The following FSTL4 variants were observed in gnomAD, a reference collection of about 807,000 sequenced individuals.
FSTL4 encodes the protein follistatin-related protein 4.
Under a neutral mutation model 78.2 loss-of-function variants are expected in FSTL4, and 28 were observed. The ratio of observed to expected loss-of-function variants is 0.36; its 90% CI spans 0.27 to 0.49. The LOEUF is 0.49. Ranked by LOEUF, FSTL4 falls within the 20% of genes least tolerant of loss-of-function variation. FSTL4 has a pLI of 0.98. For synonymous variants in FSTL4, 422 were observed against 440.5 expected (o/e 0.96, Z 0.53); for missense variants, 922 against 1,084.9 (o/e 0.85, Z 2.11).
the FSTL4 span, among the ~76,000 whole-genome samples, chr5:133,677,746 T>G: frequency 1.3e-5 from 2 of 152,228 alleles, no homozygotes; most frequent in African/African-American, 2.4e-5. Flanking sequence ...TTGCTTAACA[T>G]TTCTGAGTCT....
At chr5:133,829,488 T>C in the FSTL4 span, among the ~76,000 whole-genome samples, 1 of 152,214 alleles carries the variant, frequency 6.6e-6, no homozygotes, top group Non-Finnish European at 1.5e-5. Flanking sequence ...TGCTCTCCCA[T>C]TCATTTATTC....
chr5:133,314,730 A>G (rs1753863123), intron 5 of FSTL4, among the ~76,000 whole-genome samples: 1 of 152,068 alleles, frequency 6.6e-6, no homozygotes, highest in Non-Finnish European at 1.5e-5. Flanking sequence ...GAGCCTCAGT[A>G]TCCTCATCTG....
At chr5:133,636,612 A>G in the FSTL4 span, among the ~76,000 whole-genome samples, 1 of 152,084 alleles carries the variant, frequency 6.6e-6, no homozygotes, top group African/African-American at 2.4e-5. Flanking sequence ...AGAACCTACC[A>G]CTTAGGGGTT....
the FSTL4 span, among the ~76,000 whole-genome samples, chr5:133,678,600 A>G: frequency 5.9e-5 from 9 of 152,036 alleles, no homozygotes; most frequent in Non-Finnish European, 1.3e-4. Flanking sequence ...TCAAGAGTCC[A>G]GTTTTGGACA....
chr5:133,707,785 G>A, the FSTL4 span, among the ~76,000 whole-genome samples: 2 of 151,984 alleles, frequency 1.3e-5, no homozygotes, highest in African/African-American at 4.8e-5. Flanking sequence ...CTCTCCAGAG[G>A]CTGCAGCCAT....
intron 2 of FSTL4, chr5:133,583,389 G>A (rs1274388394): frequency 1.1e-5 from 3 of 274,868 alleles, no homozygotes; most frequent in African/African-American, 2.7e-5. Context: ...CTGAGGTACC[G>A]GGTTCATCTC....
the FSTL4 span, among the ~76,000 whole-genome samples, chr5:133,667,515 C>A: frequency 2.4e-4 from 37 of 152,144 alleles, no homozygotes; most frequent in Admixed American, 1.9e-3. Flanking sequence ...CCCTGTTTAG[C>A]CTCATCTCCT....
chr5:133,579,563 G>A (rs10491290), intron 2 of FSTL4, among the ~76,000 whole-genome samples: 4,303 of 152,220 alleles, frequency 0.028, 204 homozygotes, highest in African/African-American at 0.098. Flanking sequence ...GGACAGCAAG[G>A]ACAAGTGGCT....
intron 3 of FSTL4, among the ~76,000 whole-genome samples, chr5:133,425,968 G>T (rs1393760622): frequency 6.6e-6 from 1 of 152,170 alleles, no homozygotes; most frequent in African/African-American, 2.4e-5. Context: ...GGAATGACGT[G>T]GGGGGCTCTA....
At chr5:133,223,433 C>A (rs1231268068) in intron 11 of FSTL4, among the ~76,000 whole-genome samples, 1 of 152,166 alleles carries the variant, frequency 6.6e-6, no homozygotes, top group Non-Finnish European at 1.5e-5. Context: ...TGTGCTTAAC[C>A]CATCAATCAC....
At chr5:133,724,887 T>C in the FSTL4 span, among the ~76,000 whole-genome samples, 3 of 152,228 alleles carry the variant, frequency 2.0e-5, no homozygotes, top group Admixed American at 6.5e-5. Context: ...GAGTTGACTT[T>C]TGTGCATGGC....
At chr5:133,600,882 A>T (rs1760851631) in intron 2 of FSTL4, among the ~76,000 whole-genome samples, 1 of 152,222 alleles carries the variant, frequency 6.6e-6, no homozygotes, top group Non-Finnish European at 1.5e-5. Flanking sequence ...AAGGTTTTTC[A>T]CTTATTTAGA....
chr5:133,645,181 C>T, the FSTL4 span, among the ~76,000 whole-genome samples: 1 of 152,184 alleles, frequency 6.6e-6, no homozygotes, highest in African/African-American at 2.4e-5. Flanking sequence ...ATCTGCCATT[C>T]TTTTGCTTCA....
the FSTL4 span, among the ~76,000 whole-genome samples, chr5:133,677,424 C>A: frequency 2.0e-5 from 3 of 152,306 alleles, no homozygotes; most frequent in South Asian, 6.2e-4. Context: ...ACATTAAGGA[C>A]TTCTGAGGTC....
At chr5:133,822,480 A>C in the FSTL4 span, among the ~76,000 whole-genome samples, 1 of 152,156 alleles carries the variant, frequency 6.6e-6, no homozygotes, top group Admixed American at 6.5e-5. Context: ...ATCCAATTAA[A>C]ATCAGGGGTC....
chr5:133,804,686 C>T, the FSTL4 span, among the ~76,000 whole-genome samples: 2 of 152,274 alleles, frequency 1.3e-5, no homozygotes, highest in Middle Eastern at 6.8e-3. Flanking sequence ...CCCTTCCTGA[C>T]TCTCAGAACT....
At chr5:133,369,121 A>G (rs890002990) in intron 4 of FSTL4, among the ~76,000 whole-genome samples, 1 of 152,164 alleles carries the variant, frequency 6.6e-6, no homozygotes, top group African/African-American at 2.4e-5. Context: ...AGGCACACCC[A>G]CACATGGCCT....
At chr5:133,503,542 A>G (rs778833582) in intron 3 of FSTL4, among the ~76,000 whole-genome samples, 34 of 152,152 alleles carry the variant, frequency 2.2e-4, no homozygotes, top group Non-Finnish European at 4.7e-4. Flanking sequence ...CCTCAAATGC[A>G]TCCACCTTCC....
At chr5:133,829,040 G>A in the FSTL4 span, among the ~76,000 whole-genome samples, 18 of 152,284 alleles carry the variant, frequency 1.2e-4, no homozygotes, top group South Asian at 1.0e-3. Flanking sequence ...TGGGACCTCC[G>A]AAAGGCACCA....
Sources: allele counts gnomAD v4.1 joint callset (sites outside exome capture counted in the v4.1 genomes callset), GRCh38; gene constraint gnomAD v4.1.1; transcripts MANE v1.5; gene names NCBI Gene and HGNC (gene_info 2026-07-23, HGNC 2026-07-21).